C12orf42: variants seen among roughly 807,000 people sequenced by gnomAD.
The protein encoded by C12orf42 is chromosome 12 open reading frame 42.
A neutral mutation model predicts 21.6 loss-of-function variants in C12orf42; 25 were observed. That is an observed-to-expected ratio of 1.16 (90% CI 0.84 to 1.62). C12orf42 has a LOEUF of 1.62. Among genes scored for constraint, C12orf42 ranks in the 40% most tolerant of loss-of-function variants. C12orf42 has a pLI of 0.00. For missense variants in C12orf42, 483 were observed against 459.3 expected (o/e 1.05, Z -0.47); for synonymous variants, 174 against 175.0 (o/e 0.99, Z 0.05).
At chr12:103,416,109 T>A (rs2049303896) in intron 2 of C12orf42, among the ~76,000 whole-genome samples, 1 of 151,514 alleles carries the variant, frequency 6.6e-6, no homozygotes, top group Admixed American at 6.6e-5. Flanking sequence ...AACACATGGG[T>A]CTGTGTGCTA....
intron 4 of C12orf42, among the ~76,000 whole-genome samples, chr12:103,339,293 T>C (rs1249282965): frequency 6.6e-6 from 1 of 152,214 alleles, no homozygotes; most frequent in Non-Finnish European, 1.5e-5. Flanking sequence ...GTACAGGTTA[T>C]TTCATCACCC....
intron 4 of C12orf42, among the ~76,000 whole-genome samples, chr12:103,341,240 A>G (rs1208492916): frequency 6.6e-6 from 1 of 152,104 alleles, no homozygotes; most frequent in East Asian, 1.9e-4. Context: ...TGTAAGTCCC[A>G]GCTACTCAGG....
intron 2 of C12orf42, among the ~76,000 whole-genome samples, chr12:103,475,412 C>G (rs549957444): frequency 6.6e-6 from 1 of 152,308 alleles, no homozygotes; most frequent in Admixed American, 6.5e-5. Context: ...GAACTTCCAA[C>G]CAACAAAATG....
chr12:103,203,753 G>T, the C12orf42 span, among the ~76,000 whole-genome samples: 2 of 152,102 alleles, frequency 1.3e-5, no homozygotes, highest in Non-Finnish European at 2.9e-5. Context: ...CAAAAGGAGA[G>T]GTGTTGTTGC....
At chr12:103,301,548 G>T (rs1324772359), downstream of C12orf42, among the ~76,000 whole-genome samples, 1 of 152,096 alleles carries the variant, frequency 6.6e-6, no homozygotes, top group Non-Finnish European at 1.5e-5. Context: ...CATTAAACTT[G>T]GTTCCAAGTG....
chr12:103,465,642 C>A (rs370895738), intron 2 of C12orf42, among the ~76,000 whole-genome samples: 4 of 152,030 alleles, frequency 2.6e-5, no homozygotes, highest in Non-Finnish European at 5.9e-5. Flanking sequence ...CTATGTTGAA[C>A]GAGAGTGGTG....
downstream of C12orf42, among the ~76,000 whole-genome samples, chr12:103,266,676 T>C (rs2136240377): frequency 6.6e-6 from 1 of 152,318 alleles, no homozygotes; most frequent in Non-Finnish European, 1.5e-5. Flanking sequence ...TAACCTTGAA[T>C]ATTTCTTGCT....
chr12:103,459,759 C>T (rs901089994), intron 2 of C12orf42, among the ~76,000 whole-genome samples: 1 of 152,192 alleles, frequency 6.6e-6, no homozygotes, highest in Non-Finnish European at 1.5e-5. Context: ...TAGATAAAGC[C>T]AAACTGCAAA....
chr12:103,079,653 T>C, the C12orf42 span, among the ~76,000 whole-genome samples: 1 of 152,204 alleles, frequency 6.6e-6, no homozygotes, highest in Admixed American at 6.5e-5. Flanking sequence ...CTTTAAACAA[T>C]CACATTTATT....
At chr12:103,083,684 C>G in the C12orf42 span, among the ~76,000 whole-genome samples, 1 of 152,162 alleles carries the variant, frequency 6.6e-6, no homozygotes, top group Non-Finnish European at 1.5e-5. Flanking sequence ...AAACTTCTAC[C>G]TACCAAAATC....
chr12:103,539,765 G>A, the C12orf42 span, among the ~76,000 whole-genome samples: 1 of 152,020 alleles, frequency 6.6e-6, no homozygotes, highest in East Asian at 1.9e-4. Context: ...ATTTTTAGTA[G>A]AGACGGGGTT....
chr12:103,253,779 C>T, intron 10 of C12orf42, among the ~76,000 whole-genome samples: 1 of 151,850 alleles, frequency 6.6e-6, no homozygotes, highest in East Asian at 1.9e-4. Flanking sequence ...GATCTCAGCC[C>T]AAAAACTCCT....
the C12orf42 span, among the ~76,000 whole-genome samples, chr12:103,124,358 A>T: frequency 6.6e-6 from 1 of 151,884 alleles, no homozygotes; most frequent in Non-Finnish European, 1.5e-5. Flanking sequence ...GAAGAAATGG[A>T]GATCTTTCTT....
At chr12:103,431,409 T>TA (rs1399982945) in intron 2 of C12orf42, 3 of 152,214 alleles carry the variant, frequency 2.0e-5, no homozygotes, top group African/African-American at 4.8e-5. Context: ...TTACACTTTA[T>TA]AAAACACTTT....
At chr12:103,363,012 A>G (rs1642596749) in intron 4 of C12orf42, among the ~76,000 whole-genome samples, 1 of 152,110 alleles carries the variant, frequency 6.6e-6, no homozygotes, top group Admixed American at 6.6e-5. Flanking sequence ...TGGGAAATTC[A>G]CTGTGAAAAG....
chr12:103,285,971 C>T (rs1227343269), intron 4 of C12orf42, among the ~76,000 whole-genome samples: 3 of 152,162 alleles, frequency 2.0e-5, no homozygotes, highest in East Asian at 3.8e-4. Flanking sequence ...TGAGGCCGGG[C>T]GTGGTGGCTC....
chr12:103,298,271 A>C (rs1479470704), downstream of C12orf42, among the ~76,000 whole-genome samples: 1 of 152,212 alleles, frequency 6.6e-6, no homozygotes, highest in African/African-American at 2.4e-5. Context: ...AGGATACAAA[A>C]CCAATGTGCA....
chr12:103,238,792 T>C (rs2033581551), intron 10 of C12orf42, among the ~76,000 whole-genome samples: 1 of 152,166 alleles, frequency 6.6e-6, no homozygotes, highest in South Asian at 2.1e-4. Flanking sequence ...TGAGCTCTGA[T>C]TCCTGAAAGA....
the C12orf42 span, among the ~76,000 whole-genome samples, chr12:103,224,007 T>A: frequency 6.6e-6 from 1 of 152,192 alleles, no homozygotes; most frequent in Non-Finnish European, 1.5e-5. Context: ...TAATAAAGGC[T>A]CATCTGTTAT....
Sources: allele counts gnomAD v4.1 joint callset (sites outside exome capture counted in the v4.1 genomes callset), GRCh38; gene constraint gnomAD v4.1.1; transcripts MANE v1.5; gene names NCBI Gene and HGNC (gene_info 2026-07-23, HGNC 2026-07-21).